OPN3: variants seen among roughly 807,000 people sequenced by gnomAD.
The protein encoded by OPN3 is opsin-3.
In OPN3, 29 loss-of-function variants were observed where a neutral mutation model predicts 33.8. That is an observed-to-expected ratio of 0.86 (90% confidence interval 0.64 to 1.17). OPN3 has a LOEUF of 1.17. Among genes scored for constraint, OPN3 ranks in the 50% most tolerant of loss-of-function variants. OPN3 has a pLI of 0.00. For synonymous variants in OPN3, 216 were observed against 216.1 expected, an observed-to-expected ratio of 1.00 and a Z score of 0.00; for missense variants, 437 against 514.1, an observed-to-expected ratio of 0.85 and a Z score of 1.45.
intron 1 of OPN3, among the ~76,000 whole-genome samples, chr1:241,620,306 A>T (rs962996467): frequency 6.6e-6 from 1 of 152,232 alleles, no homozygotes; most frequent in Non-Finnish European, 1.5e-5. Flanking sequence ...AACTTTAATA[A>T]CATATTTTAT....
chr1:241,633,967 G>T (rs1664757363), intron 1 of OPN3: 6 of 1,613,808 alleles, frequency 3.7e-6, no homozygotes, highest in African/African-American at 2.7e-5. Context: ...CAGTTGGAAA[G>T]ATCTCCTGGA....
At chr1:241,628,170 TTC>T (rs1339990366) in intron 1 of OPN3, among the ~76,000 whole-genome samples, 2 of 152,174 alleles carry the variant, frequency 1.3e-5, no homozygotes, top group African/African-American at 2.4e-5. Flanking sequence ...AGGCAGAGAC[TTC>T]TGTTTTGTTT....
chr1:241,603,077 G>A (rs908494777), intron 2 of OPN3, among the ~76,000 whole-genome samples: 1 of 152,144 alleles, frequency 6.6e-6, no homozygotes, highest in Non-Finnish European at 1.5e-5. Flanking sequence ...CCAGTGGTAA[G>A]GGAGAGTGTG....
Position 241,594,222 on chromosome 1 carries a change from A to G in OPN3, c.*206T>C, listed in dbSNP as rs1313613085. ...GTGTGCCACAAGTGGTTTTTTCATT[A>G]TGTAAAGCACCCGTTGAATTAAAAG... is the stretch of plus-strand genomic sequence containing the variant. On this transcript the variant is annotated 3_prime_UTR_variant, in exon 4 of 4. Coordinates refer to ENST00000366554, the MANE Select transcript of OPN3 (RefSeq NM_014322.3). 6.2e-6 allele frequency: 3 copies of G among 485,116 alleles called. No individual in the cohort carries two copies. The highest frequency in any genetic ancestry group is 1.1e-5 in the Non-Finnish European group (3 of 281,158). The allele number at this position is 485,116 out of a possible 1,614,324, so 30.1% of individuals were successfully genotyped here.
intron 3 of OPN3, among the ~76,000 whole-genome samples, chr1:241,596,381 C>T (rs1373852554): frequency 2.6e-5 from 4 of 152,118 alleles, no homozygotes; most frequent in African/African-American, 4.8e-5. Context: ...TGTTTAGGTC[C>T]TATGGACTCC....
chr1:241,639,789 G>C, intron 1 of OPN3, 93 bp downstream of exon 1: 1 of 1,261,210 alleles, frequency 7.9e-7, no homozygotes, highest in Non-Finnish European at 1.0e-6. Context: ...GAAGCGGTGC[G>C]GGGCGGGCTG....
intron 1 of OPN3, chr1:241,634,589 C>G (rs766466619): frequency 6.2e-7 from 1 of 1,613,776 alleles, no homozygotes; most frequent in Non-Finnish European, 8.5e-7. Context: ...AAAAACTGCA[C>G]ACATCCTACA....
At chr1:241,614,433 T>C (rs1664070131) in intron 1 of OPN3, among the ~76,000 whole-genome samples, 1 of 152,222 alleles carries the variant, frequency 6.6e-6, no homozygotes, top group African/African-American at 2.4e-5. Context: ...GTATTTCACA[T>C]GCATTGCATT....
At chr1:241,603,450 T>G (rs546213715) in intron 2 of OPN3, among the ~76,000 whole-genome samples, 6 of 151,642 alleles carry the variant, frequency 4.0e-5, no homozygotes, top group Admixed American at 4.0e-4. Context: ...AGAGGACATC[T>G]AAGTGTAGAC....
intron 1 of OPN3, among the ~76,000 whole-genome samples, chr1:241,606,718 CAT>C (rs1255257988): frequency 6.6e-6 from 1 of 151,978 alleles, no homozygotes; most frequent in African/African-American, 2.4e-5. Flanking sequence ...CTTCCTGGAG[CAT>C]AAATATTTGT....
intron 1 of OPN3, among the ~76,000 whole-genome samples, chr1:241,611,706 C>T (rs1053882542): frequency 1.3e-5 from 2 of 152,164 alleles, no homozygotes; most frequent in African/African-American, 2.4e-5. Context: ...AAATGCCATG[C>T]GTGGAGCTTG....
intron 1 of OPN3, among the ~76,000 whole-genome samples, chr1:241,624,881 G>C (rs1465273819): frequency 1.3e-5 from 2 of 152,050 alleles, no homozygotes; most frequent in African/African-American, 4.8e-5. Context: ...GTGTGATCTT[G>C]GTCAAGCTCT....
intron 3 of OPN3, chr1:241,595,752 A>G (rs1663488045): frequency 6.6e-6 from 1 of 152,186 alleles, no homozygotes; most frequent in South Asian, 2.1e-4. Flanking sequence ...TTCAGTTTAT[A>G]CTCACATTTA....
At chr1:241,626,341 C>T (rs1664417972) in intron 1 of OPN3, among the ~76,000 whole-genome samples, 1 of 152,068 alleles carries the variant, frequency 6.6e-6, no homozygotes, top group Non-Finnish European at 1.5e-5. Flanking sequence ...CCAGGGAATG[C>T]AGAGGTACCA....
chr1:241,624,365 G>T lies in OPN3; in HGVS notation c.373+15517C>A, dbSNP rs1664355127. The stretch of plus-strand genomic sequence containing the variant: ...ATGCAGACTGTGTCAATGCCTCCAT[G>T]CCTGTTTCTGCTATTCTTCCTACAT... On this transcript the variant is annotated intron_variant, in intron 1 of 3. Coordinates refer to ENST00000366554, the MANE Select transcript of OPN3 (RefSeq NM_014322.3). 2.0e-5 allele frequency among the ~76,000 whole-genome samples: 3 copies of T among 152,172 alleles called. No individual in the cohort carries two copies. In the South Asian group the frequency reaches 6.2e-4, roughly 32 times the overall value.
At chr1:241,627,361 T>C (rs905374048) in intron 1 of OPN3, among the ~76,000 whole-genome samples, 7 of 152,340 alleles carry the variant, frequency 4.6e-5, no homozygotes, top group Non-Finnish European at 7.3e-5. Context: ...TAAATCACTC[T>C]TGAGATGCAA....
intron 1 of OPN3, 51 bp from the exon 2 acceptor site, chr1:241,604,630 G>C: frequency 1.3e-6 from 2 of 1,482,492 alleles, no homozygotes; most frequent in Admixed American, 3.9e-5. Flanking sequence ...GGGAAACCGG[G>C]CATAAGAGAC....
chr1:241,608,121 G>A (rs1480161802), intron 1 of OPN3, among the ~76,000 whole-genome samples: 1 of 152,138 alleles, frequency 6.6e-6, no homozygotes, highest in Non-Finnish European at 1.5e-5. Context: ...CTGCCTTTAT[G>A]TGTTAAAACA....
chr1:241,613,214 A>G (rs1664042053), intron 1 of OPN3, among the ~76,000 whole-genome samples: 1 of 152,200 alleles, frequency 6.6e-6, no homozygotes, highest in South Asian at 2.1e-4. Context: ...AGTACTTACT[A>G]TGAGTCAGGG....
Sources: allele counts gnomAD v4.1 joint callset (sites outside exome capture counted in the v4.1 genomes callset), GRCh38; gene constraint gnomAD v4.1.1; transcripts MANE v1.5; gene names NCBI Gene and HGNC (gene_info 2026-07-23, HGNC 2026-07-21).